SKIC3: variants seen among roughly 807,000 people sequenced by gnomAD.
The protein encoded by SKIC3 is superkiller complex protein 3.
the SKIC3 span, among the ~76,000 whole-genome samples, chr5:95,470,751 A>G: frequency 2.6e-5 from 4 of 151,192 alleles, no homozygotes; most frequent in South Asian, 6.3e-4. Context: ...ATATTAATGT[A>G]TCTATATATT....
At chr5:95,485,456 C>G in the SKIC3 span, among the ~76,000 whole-genome samples, 1 of 152,186 alleles carries the variant, frequency 6.6e-6, no homozygotes, top group African/African-American at 2.4e-5. Flanking sequence ...TCAAATGGTA[C>G]ATCAATCTTG....
chr5:95,482,504 A>G, the SKIC3 span: 8 of 1,614,040 alleles, frequency 5.0e-6, no homozygotes, highest in Non-Finnish European at 6.8e-6. Flanking sequence ...TGAGTTGGAC[A>G]TGACTGTTTT....
chr5:95,468,017 C>A, the SKIC3 span: 2 of 1,611,082 alleles, frequency 1.2e-6, no homozygotes, highest in African/African-American at 1.3e-5. Flanking sequence ...ACATTTAGTC[C>A]AAAGCATGCA....
chr5:95,512,912 G>T, the SKIC3 span: 1 of 319,930 alleles, frequency 3.1e-6, no homozygotes, highest in Non-Finnish European at 5.8e-6. Context: ...CCAAAGGTCA[G>T]ACCAAAAAAA....
At chr5:95,480,406 CA>C in the SKIC3 span, among the ~76,000 whole-genome samples, 2 of 152,032 alleles carry the variant, frequency 1.3e-5, no homozygotes, top group Non-Finnish European at 2.9e-5. Flanking sequence ...TTATGCAAAG[CA>C]CTTTACACAG....
the SKIC3 span, among the ~76,000 whole-genome samples, chr5:95,465,825 T>C: frequency 6.6e-6 from 1 of 152,208 alleles, no homozygotes; most frequent in African/African-American, 2.4e-5. Context: ...AGGGAGATAC[T>C]ATCTCTGTCT....
At chr5:95,525,452 G>A in the SKIC3 span, 1 of 1,613,884 alleles carries the variant, frequency 6.2e-7, no homozygotes, top group Non-Finnish European at 8.5e-7. Context: ...AGCCTCAAGG[G>A]CATGAACTTC....
chr5:95,470,989 G>C, the SKIC3 span, among the ~76,000 whole-genome samples: 1 of 152,122 alleles, frequency 6.6e-6, no homozygotes, highest in African/African-American at 2.4e-5. Context: ...TCAATATAGT[G>C]AGTCAATATA....
At chr5:95,501,268 T>G in the SKIC3 span, among the ~76,000 whole-genome samples, 1 of 152,170 alleles carries the variant, frequency 6.6e-6, no homozygotes, top group Non-Finnish European at 1.5e-5. Context: ...CATTCTAGTA[T>G]TAAGCAAACA....
chr5:95,486,934 C>T, the SKIC3 span, among the ~76,000 whole-genome samples: 1 of 152,148 alleles, frequency 6.6e-6, no homozygotes, highest in Non-Finnish European at 1.5e-5. Context: ...ATGGTTAATA[C>T]TGAGTGTCAA....
chr5:95,473,610 G>A, the SKIC3 span, among the ~76,000 whole-genome samples: 1 of 152,114 alleles, frequency 6.6e-6, no homozygotes, highest in Admixed American at 6.6e-5. Context: ...TAGCCATTCT[G>A]ACTGGTGTGA....
At chr5:95,530,191 A>G in the SKIC3 span, 1 of 1,613,594 alleles carries the variant, frequency 6.2e-7, no homozygotes, top group Non-Finnish European at 8.5e-7. Context: ...ATTTCCACTA[A>G]TCTACAACAA....
the SKIC3 span, chr5:95,467,768 G>A: frequency 2.6e-6 from 4 of 1,513,698 alleles, no homozygotes; most frequent in Admixed American, 2.1e-5. Context: ...TAAAAGTGAA[G>A]TAACTTTGAA....
At chr5:95,536,873 A>G in the SKIC3 span, 1 of 1,613,756 alleles carries the variant, frequency 6.2e-7, no homozygotes, top group South Asian at 1.1e-5. Flanking sequence ...AGTAGGATAG[A>G]TGTTTATCAT....
At chr5:95,510,716 T>C in the SKIC3 span, among the ~76,000 whole-genome samples, 5 of 152,344 alleles carry the variant, frequency 3.3e-5, no homozygotes, top group Admixed American at 1.3e-4. Flanking sequence ...TTAAAAATGC[T>C]GATCCCCAAA....
the SKIC3 span, among the ~76,000 whole-genome samples, chr5:95,471,342 GA>G: frequency 3.3e-5 from 5 of 152,060 alleles, no homozygotes; most frequent in African/African-American, 1.2e-4. Flanking sequence ...ACTTTATAAG[GA>G]AAAAGTTACT....
the SKIC3 span, chr5:95,463,951 T>A: frequency 6.6e-6 from 1 of 152,384 alleles, no homozygotes; most frequent in African/African-American, 2.4e-5. Flanking sequence ...ATTGAAGGAA[T>A]TGCATGATCA....
the SKIC3 span, among the ~76,000 whole-genome samples, chr5:95,546,359 A>AAAAAAAC: frequency 6.6e-6 from 1 of 151,818 alleles, no homozygotes; most frequent in African/African-American, 2.4e-5. Context: ...AAACAAAAAA[A>AAAAAAAC]AAAACAAAGA....
At chr5:95,524,390 C>T in the SKIC3 span, 1 of 1,576,302 alleles carries the variant, frequency 6.3e-7, no homozygotes, top group Non-Finnish European at 8.6e-7. Context: ...GTAATTGTAA[C>T]TAATGTATAT....
Sources: allele counts gnomAD v4.1 joint callset (sites outside exome capture counted in the v4.1 genomes callset), GRCh38; gene constraint gnomAD v4.1.1; transcripts MANE v1.5; gene names NCBI Gene and HGNC (gene_info 2026-07-23, HGNC 2026-07-21).